ZFP36L2: variants seen among roughly 807,000 people sequenced by gnomAD.
The protein encoded by ZFP36L2 is mRNA decay activator protein ZFP36L2.
Under a neutral mutation model 27.9 loss-of-function variants are expected in ZFP36L2, and 16 were observed. The observed-to-expected ratio is 0.57, with a 90% confidence interval of 0.39 to 0.87. The LOEUF is 0.87. Among genes scored for constraint, ZFP36L2 ranks in the 40% least tolerant of loss-of-function variants. The pLI is 0.00. For missense variants in ZFP36L2, 989 were observed against 726.9 expected (o/e 1.36, Z -4.15); for synonymous variants, 600 against 363.8 (o/e 1.65, Z -7.39).
rs748156889 is a variant in ZFP36L2, at chr2:43,224,861, G to A, written c.943C>T (p.Pro315Ser). 4 of 1,487,860 alleles carry A rather than the reference G, an allele frequency of 2.7e-6. No individual in the cohort carries two copies. In the Admixed American group the frequency reaches 7.5e-5, roughly 28 times the overall value. The allele number at this position is 1,487,860 out of a possible 1,614,324, so 92.2% of individuals were successfully genotyped here. ...SCSSASAAST[P>S]SGAPTCCASA... The stretch of plus-strand genomic sequence containing the variant: ...GCGCAGCATGTCGGGGCGCCCGAGG[G>A]CGTGGAGGCCGCGGAGGCCGAGGAA... Residue 315 changes from proline (P) to serine (S), a missense_variant, in exon 2 of 2, where the codon CCC becomes TCC. Physicochemically the swap from Pro to Ser is moderately conservative, Grantham distance 74. Transcript: ENST00000282388.
rs1667047070 is a variant in ZFP36L2 at position 43,224,757 on chromosome 2, C to T, written c.1047G>A (p.Pro349=). 1.3e-6 allele frequency: 2 copies of T among 1,495,554 alleles called. No individual in the cohort carries two copies. Among genetic ancestry groups the T allele is most frequent in the Non-Finnish European group, 1.8e-6 (2 of 1,129,732 alleles). 92.6% of individuals were successfully genotyped at this position (1,495,554 alleles called of 1,614,324 possible). A position where few individuals can be genotyped will look rare whatever the true frequency, so the allele number is the denominator to read the frequency against. Residue 349 remains proline, a synonymous_variant, in exon 2 of 2, where the codon CCG becomes CCA. Transcript: ENST00000282388. ...ACGAGGCCGACGAGCAGGCCGCGCA[C>T]GGGGCCCCCGGCGCCAGCAGGTCCT... The part of the protein sequence containing the change: ...GAEDLLAPGA[P]CAACSSASCA...
rs1346087275 is a variant in ZFP36L2 at position 43,225,611 on chromosome 2, C to T, written c.193G>A (p.Ala65Thr). ...CTGCCGGGGCTGGGCGCGGGGTGGG[C>T]GAGTGCATGCAGGTTGCTGGCCGAG... ...RHSASNLHAL[A>T]HPAPSPGSCS... The change falls in exon 2 of 2, where the codon GCC (alanine) becomes ACC (threonine). Residue 65 changes from alanine (A) to threonine (T), a missense_variant. Physicochemically the swap from Ala to Thr is moderately conservative, Grantham distance 58. Transcript: ENST00000282388. 1.3e-6 allele frequency: 2 copies of T among 1,560,556 alleles called. No homozygotes were observed. The highest frequency in any genetic ancestry group is 1.4e-5 in the African/African-American group (1 of 73,956).
chr2:43,224,707 C>A lies in ZFP36L2; in HGVS notation c.1097G>T (p.Gly366Val). ...ASCANNAFAF[G>V]PELSSLITPL... is the part of the protein sequence containing the mutation. ...CGTGATGAGGCTGCTGAGCTCCGGA[C>A]CGAAGGCGAAGGCGTTGTTGGCGCA... The change falls in exon 2 of 2, where the codon GGT becomes GTT. Residue 366 changes from glycine (G) to valine (V), a missense_variant. Gly to Val is a moderately radical substitution (Grantham distance 109, BLOSUM62 -3). Transcript: ENST00000282388. The A allele has an allele frequency of 6.5e-7, 1 of 1,535,464 alleles. No homozygotes were observed. Among genetic ancestry groups the A allele is most frequent in the South Asian group, 1.2e-5 (1 of 84,750 alleles).
In ZFP36L2 at chr2:43,225,770, G is replaced by T. The variant is rs755783248; in HGVS notation, c.52-18C>A. On this transcript the variant is annotated intron_variant, in intron 1 of 1. Coordinates refer to ENST00000282388, the MANE Select transcript of ZFP36L2 (RefSeq NM_006887.5). ...TTCTCTGTCTGCCAAAGGGAGGGGA[G>T]CGGGGAAGGGATGAAAAACGGAAGG... 1 of 1,578,382 alleles carries T rather than the reference G, an allele frequency of 6.3e-7. No homozygotes were observed. Among genetic ancestry groups the T allele is most frequent in the Non-Finnish European group, 8.5e-7 (1 of 1,170,282 alleles).
At position 43,226,460 on chromosome 2, in the gene ZFP36L2, G is replaced by A; in HGVS notation, c.-145C>T. On this transcript the variant is annotated 5_prime_UTR_variant, in exon 1 of 2. Coordinates refer to ENST00000282388, the MANE Select transcript of ZFP36L2 (RefSeq NM_006887.5). ...GTTTGCCGGGGGGCGAGAGGAGAGG[G>A]CGAGTGCAGCGGCGCGGGCCGGCGG... 9.6e-7 allele frequency: 1 copy of A among 1,043,908 alleles called. No individual in the cohort carries two copies. 64.7% of individuals were successfully genotyped at this position (1,043,908 alleles called of 1,614,324 possible).
Position 43,226,559 on chromosome 2 carries a change from C to T in ZFP36L2, c.-244G>A, listed in dbSNP as rs866109476. 2.0e-6 allele frequency: 1 copy of T among 504,062 alleles called. No homozygotes were observed. Among genetic ancestry groups the T allele is most frequent in the Non-Finnish European group, 3.5e-6 (1 of 289,324 alleles). 31.2% of individuals were successfully genotyped at this position (504,062 alleles called of 1,614,324 possible). ...CTCCTCCGCGCCCCGGGGTGCCCGGCCCGCCCCCCCCGCGGAGCCGACGGC... is the reference window on the plus strand; with the variant it reads ...CTCCTCCGCGCCCCGGGGTGCCCGGTCCGCCCCCCCCGCGGAGCCGACGGC... On this transcript the variant is annotated 5_prime_UTR_variant, in exon 1 of 2. Transcript: ENST00000282388.
rs1437115951 is a variant in ZFP36L2, at chr2:43,226,298, C to G, written c.18G>C (p.Leu6=). 10 of 1,588,646 alleles carry G rather than the reference C, an allele frequency of 6.3e-6. No individual in the cohort carries two copies. The highest frequency in any genetic ancestry group is 8.6e-6 in the Non-Finnish European group (10 of 1,166,690). ...AGAAGTCGACATCGTAGAAGGCGGA[C>G]AGAAGTGTGGTCGACATGTTTCTGG... MSTTL[L]SAFYDVDFLC... is the part of the protein sequence containing the mutation. Residue 6 remains leucine (L), a synonymous_variant, in exon 1 of 2, where the codon CTG becomes CTC. Coordinates refer to ENST00000282388, the MANE Select transcript of ZFP36L2 (RefSeq NM_006887.5).
Position 43,223,420 on chromosome 2 carries a change from G to C in ZFP36L2, c.*899C>G, listed in dbSNP as rs1281087144. 6.6e-6 allele frequency: 1 copy of C among 152,224 alleles called. No individual in the cohort carries two copies. Among genetic ancestry groups the C allele is most frequent in the East Asian group, 1.9e-4 (1 of 5,258 alleles). 9.4% of individuals were successfully genotyped at this position (152,224 alleles called of 1,614,324 possible). ...CTTTTCATCATACTTGATAAATACA[G>C]TATGAACAAAATTTTCATTGTATAC... On this transcript the variant is annotated 3_prime_UTR_variant, in exon 2 of 2. Transcript: ENST00000282388.
In ZFP36L2 at chr2:43,224,699, G is replaced by C. The variant is rs750930440; in HGVS notation, c.1105C>G (p.Leu369Val). 1.8e-5 allele frequency: 28 copies of C among 1,537,494 alleles called. No individual in the cohort carries two copies. Among genetic ancestry groups the C allele is most frequent in the Middle Eastern group, 1.7e-4 (1 of 5,770 alleles). The change falls in exon 2 of 2, where the codon CTC becomes GTC. Residue 369 changes from leucine to valine, a missense_variant. By Grantham distance (32) the Leu-to-Val change is conservative. Coordinates refer to ENST00000282388, the MANE Select transcript of ZFP36L2 (RefSeq NM_006887.5). ...ANNAFAFGPE[L>V]SSLITPLAIQ... ...GCGAGCGGCGTGATGAGGCTGCTGA[G>C]CTCCGGACCGAAGGCGAAGGCGTTG...
chr2:43,226,179 G>C (rs1667099010), intron 1 of ZFP36L2, 86 bp downstream of exon 1: 2 of 1,519,064 alleles, frequency 1.3e-6, no homozygotes, highest in African/African-American at 2.8e-5. Flanking sequence ...GGCAGGGCGG[G>C]AGGGGCGTCC....
Position 43,223,109 on chromosome 2 carries a change from T to C in ZFP36L2, c.*1210A>G, listed in dbSNP as rs1312462858. On this transcript the variant is annotated 3_prime_UTR_variant, in exon 2 of 2. Transcript: ENST00000282388. ...GATGGGCTACAACCTTTATACATTC[T>C]AAGAAAACTCATAGGATGTTCCTCA... 1 of 152,374 alleles carries C rather than the reference T, an allele frequency of 6.6e-6. No individual in the cohort carries two copies. Among genetic ancestry groups the C allele is most frequent in the African/African-American group, 2.4e-5 (1 of 41,466 alleles). The allele number at this position is 152,374 out of a possible 1,614,324, so 9.4% of individuals were successfully genotyped here.
In ZFP36L2 at chr2:43,224,570, G is replaced by A. The variant is rs532780878; in HGVS notation, c.1234C>T (p.Pro412Ser). Reference protein sequence around the residue: ...GLAPPAQPPAPPSATLPAGAA... With the variant: ...GLAPPAQPPASPSATLPAGAA... ...CCGGCGGGGAGGGTCGCGCTGGGCG[G>A]CGCCGGCGGCTGCGCGGGGGGCGCC... The change falls in exon 2 of 2, where the codon CCG becomes TCG. Residue 412 changes from proline to serine, a missense_variant. Transcript: ENST00000282388. 111 of 1,336,180 alleles carry A rather than the reference G, an allele frequency of 8.3e-5. No homozygotes were observed. The Middle Eastern group carries it at 1.6e-3, about 19-fold the overall frequency. The allele number at this position is 1,336,180 out of a possible 1,614,324, so 82.8% of individuals were successfully genotyped here.
chr2:43,225,930 G>A (rs548369053), intron 1 of ZFP36L2, among the ~76,000 whole-genome samples, 178 bp from the exon 2 acceptor site: 1 of 152,306 alleles, frequency 6.6e-6, no homozygotes, highest in South Asian at 2.1e-4. Flanking sequence ...AGATCTTGCT[G>A]GACGGAGCGG....
Position 43,224,706 on chromosome 2 carries a change from A to C in ZFP36L2, c.1098T>G (p.Gly366=). 1 of 1,534,874 alleles carries C rather than the reference A, an allele frequency of 6.5e-7. No homozygotes were observed. Among genetic ancestry groups the C allele is most frequent in the Non-Finnish European group, 8.7e-7 (1 of 1,146,790 alleles). ...GCGTGATGAGGCTGCTGAGCTCCGG[A>C]CCGAAGGCGAAGGCGTTGTTGGCGC... is the stretch of plus-strand genomic sequence containing the variant. ...ASCANNAFAF[G]PELSSLITPL... is the part of the protein sequence containing the mutation. Residue 366 remains glycine (G), a synonymous_variant, in exon 2 of 2, where the codon GGT becomes GGG. Transcript: ENST00000282388.
Position 43,225,340 on chromosome 2 carries a change from T to C in ZFP36L2, c.464A>G (p.Lys155Arg). The change falls in exon 2 of 2, where the codon AAG (lysine) becomes AGG (arginine). Residue 155 changes from lysine (K) to arginine (R), a missense_variant. By Grantham distance (26) the Lys-to-Arg change is conservative. Transcript: ENST00000282388. ...CTCGAAGGGCCGGCACAGCTCGGTC[T>C]TGTAGCGCGTGGAGTTGATCTGGGA... is the stretch of plus-strand genomic sequence containing the variant. ...GGSQINSTRY[K>R]TELCRPFEES... The C allele has an allele frequency of 6.2e-7, 1 of 1,613,484 alleles. No individual in the cohort carries two copies. The highest frequency in any genetic ancestry group is 8.5e-7 in the Non-Finnish European group (1 of 1,179,990).
chr2:43,226,531 G>T lies in ZFP36L2; in HGVS notation c.-216C>A. On this transcript the variant is annotated 5_prime_UTR_variant, in exon 1 of 2. Transcript: ENST00000282388. ...CAGGGGGGAAGGAGAGAAGCGAGGA[G>T]CGCTCCTCCGCGCCCCGGGGTGCCC... is the stretch of plus-strand genomic sequence containing the variant. The T allele has an allele frequency of 1.8e-6, 1 of 542,666 alleles. No individual in the cohort carries two copies. The highest frequency in any genetic ancestry group is 3.2e-6 in the Non-Finnish European group (1 of 316,390). The allele number at this position is 542,666 out of a possible 1,614,324, so 33.6% of individuals were successfully genotyped here.
chr2:43,225,553 C>T lies in ZFP36L2; in HGVS notation c.251G>A (p.Gly84Asp), dbSNP rs1430039152. ...GGCCGCCGCGCTGCCGCAGCTGCTG[C>T]CGTTAGCGGCGCCCGGGAACTTGGG... is the stretch of plus-strand genomic sequence containing the variant. ...CSPKFPGAAN[G>D]SSCGSAAAGG... Residue 84 changes from glycine (G) to aspartate (D), a missense_variant, in exon 2 of 2, where the codon GGC becomes GAC. Physicochemically the swap from Gly to Asp is moderately conservative, Grantham distance 94. Coordinates refer to ENST00000282388, the MANE Select transcript of ZFP36L2 (RefSeq NM_006887.5). 2 of 1,575,230 alleles carry T rather than the reference C, an allele frequency of 1.3e-6. No homozygotes were observed. The highest frequency in any genetic ancestry group is 8.6e-7 in the Non-Finnish European group (1 of 1,165,160).
rs368050953 is a variant in ZFP36L2 at position 43,225,394 on chromosome 2, A to C, written c.410T>G (p.Leu137Arg). The C allele has an allele frequency of 6.2e-7, 1 of 1,613,390 alleles. No individual in the cohort carries two copies. The highest frequency in any genetic ancestry group is 8.5e-7 in the Non-Finnish European group (1 of 1,179,882). The part of the protein sequence containing the change: ...NGDRSQHLLH[L>R]QQQQKGGGGS... ...GCCGCCCCCCTTCTGCTGCTGCTGC[A>C]GGTGCAGGAGGTGCTGGCTGCGATC... is the stretch of plus-strand genomic sequence containing the variant. The change falls in exon 2 of 2, where the codon CTG (leucine) becomes CGG (arginine). Residue 137 changes from leucine to arginine, a missense_variant. Physicochemically the swap from Leu to Arg is moderately radical, Grantham distance 102. Coordinates refer to ENST00000282388, the MANE Select transcript of ZFP36L2 (RefSeq NM_006887.5).
intron 1 of ZFP36L2, 143 bp downstream of exon 1, chr2:43,226,122 G>A (rs952952574): frequency 4.2e-6 from 5 of 1,196,338 alleles, no homozygotes; most frequent in Admixed American, 4.5e-5. Flanking sequence ...CGCCTCCAGG[G>A]CGCTCGGACA....
Sources: gnomAD v4.1 joint callset for allele counts (sites outside exome capture counted in the v4.1 genomes callset) on GRCh38, gnomAD v4.1.1 for gene constraint, MANE v1.5 for transcripts, NCBI Gene and HGNC (gene_info 2026-07-23, HGNC 2026-07-21) for gene names.